The following PPARG variants were observed in gnomAD, a reference collection of about 807,000 sequenced individuals.
PPARG encodes peroxisome proliferator-activated receptor gamma.
Under a neutral mutation model 39.2 loss-of-function variants are expected in PPARG, and 17 were observed. The ratio of observed to expected loss-of-function variants is 0.43; its 90% CI spans 0.30 to 0.65. The LOEUF (loss-of-function observed/expected upper bound fraction) is 0.65, where lower values mean the gene tolerates loss of function less well. Among genes scored for constraint, PPARG ranks in the 30% least tolerant of loss-of-function variants. The pLI is 0.13. For synonymous variants in PPARG, 223 were observed against 215.7 expected (o/e 1.03, Z -0.30); for missense variants, 406 against 585.9 (o/e 0.69, Z 3.17).
Position 12,416,870 on chromosome 3 carries a change from A to T in PPARG, c.896A>T (p.Lys299Ile). Reference protein sequence around the residue: ...EAVQEITEYAKSIPGFVNLDL... With the variant: ...EAVQEITEYAISIPGFVNLDL... Reference sequence around the variant, plus strand: ...GTGCAGGAGATCACAGAGTATGCCAAAAGCATTCCTGGTTTTGTAAATCTT... The same window carrying T: ...GTGCAGGAGATCACAGAGTATGCCATAAGCATTCCTGGTTTTGTAAATCTT... The change falls in exon 7 of 8, where the codon AAA (lysine) becomes ATA (isoleucine). Residue 299 changes from lysine to isoleucine, a missense_variant. By Grantham distance (102) the Lys-to-Ile change is moderately radical. This residue lies in a region of PPARG where 275 missense variants were observed against 458.0 expected (regional missense o/e 0.60). Coordinates refer to ENST00000651735, the MANE Select transcript of PPARG (RefSeq NM_138711.6). 1 of 1,614,134 alleles carries T rather than the reference A, an allele frequency of 6.2e-7. No homozygotes were observed. Among genetic ancestry groups the T allele is most frequent in the Non-Finnish European group, 8.5e-7 (1 of 1,180,008 alleles).
intron 2 of PPARG, among the ~76,000 whole-genome samples, chr3:12,350,821 G>A (rs2048464700): frequency 6.6e-6 from 1 of 152,162 alleles, no homozygotes; most frequent in South Asian, 2.1e-4. Context: ...TAACATTGCT[G>A]CAGTTGCTAT....
chr3:12,304,456 T>C (rs1008487349), intron 1 of PPARG, among the ~76,000 whole-genome samples: 5 of 152,292 alleles, frequency 3.3e-5, no homozygotes, highest in Admixed American at 1.3e-4. Context: ...TGGGGGAAAT[T>C]CTAGAATGTT....
intron 2 of PPARG, among the ~76,000 whole-genome samples, chr3:12,313,703 T>C (rs889273926): frequency 2.0e-5 from 3 of 152,156 alleles, no homozygotes; most frequent in African/African-American, 7.2e-5. Context: ...TGGAGGATGT[T>C]GTGGTCAGCC....
At chr3:12,311,072 T>C (rs1306952778) in intron 1 of PPARG, among the ~76,000 whole-genome samples, 1 of 152,156 alleles carries the variant, frequency 6.6e-6, no homozygotes, top group Non-Finnish European at 1.5e-5. Flanking sequence ...AAGAAAATTA[T>C]TGCTTTGTTT....
chr3:12,307,138 C>CTTTT (rs71268430), intron 1 of PPARG, among the ~76,000 whole-genome samples: 10,606 of 128,504 alleles, frequency 0.083, 544 homozygotes, highest in Admixed American at 0.13. Context: ...TTAGGAAATT[C>CTTTT]TTTTTTTTTT....
intron 1 of PPARG, chr3:12,301,783 T>C (rs2046933502): frequency 6.6e-6 from 1 of 152,188 alleles, no homozygotes; most frequent in African/African-American, 2.4e-5. Flanking sequence ...AGTGCCCTGC[T>C]AGACACAAGC....
At chr3:12,385,886 C>G (rs542941011) in intron 4 of PPARG, among the ~76,000 whole-genome samples, 17 of 152,142 alleles carry the variant, frequency 1.1e-4, no homozygotes, top group Non-Finnish European at 2.4e-4. Flanking sequence ...ATTCTGAGGT[C>G]TCATTGTCCC....
intron 2 of PPARG, among the ~76,000 whole-genome samples, chr3:12,317,302 C>A (rs2047415879): frequency 6.6e-6 from 1 of 152,090 alleles, no homozygotes. Flanking sequence ...CATTTTTGTT[C>A]ATTTCTTTTC....
At chr3:12,288,512 C>T (rs1183223200), upstream of PPARG, among the ~76,000 whole-genome samples, 2 of 151,932 alleles carry the variant, frequency 1.3e-5, no homozygotes, top group South Asian at 2.1e-4. Context: ...GGAGCCGCTC[C>T]GGGGGAACTT....
chr3:12,356,088 G>A (rs529454399), intron 2 of PPARG, among the ~76,000 whole-genome samples: 24 of 152,286 alleles, frequency 1.6e-4, no homozygotes, highest in African/African-American at 4.3e-4. Flanking sequence ...CCCTTTGGAC[G>A]CTTAAAATAG....
At chr3:12,422,800 T>G (rs1216048860) in intron 7 of PPARG, among the ~76,000 whole-genome samples, 1 of 151,456 alleles carries the variant, frequency 6.6e-6, no homozygotes, top group African/African-American at 2.4e-5. Context: ...GAGGATTGCT[T>G]AAGCCCAGGA....
At chr3:12,328,693 C>T (rs1229405775) in intron 2 of PPARG, among the ~76,000 whole-genome samples, 1 of 152,228 alleles carries the variant, frequency 6.6e-6, no homozygotes, top group Non-Finnish European at 1.5e-5. Flanking sequence ...GCTCCCTCTG[C>T]ATCAGAGCCC....
At position 12,348,200 on chromosome 3, in the gene PPARG, C is replaced by G. The variant is rs190448462; in HGVS notation, c.-8-31504C>G. On this transcript the variant is annotated intron_variant, in intron 2 of 7. Transcript: ENST00000651735. ...ATATTTTATGTAAGTCATCCCAACA[C>G]CAAGTAATGCTAAAAATAACTTTAT... Among the ~76,000 whole-genome samples the G allele has an allele frequency of 3.0e-4, 45 of 152,228 alleles. 1 individual carries two copies. Among genetic ancestry groups the G allele is most frequent in the African/African-American group, 6.3e-4 (26 of 41,550 alleles).
At chr3:12,360,866 A>C (rs913843933) in intron 2 of PPARG, among the ~76,000 whole-genome samples, 1 of 152,200 alleles carries the variant, frequency 6.6e-6, no homozygotes, top group African/African-American at 2.4e-5. Flanking sequence ...CAGTATTGCA[A>C]ATAGTACTGC....
At chr3:12,380,486 A>G (rs2049603714) in intron 3 of PPARG, among the ~76,000 whole-genome samples, 1 of 152,226 alleles carries the variant, frequency 6.6e-6, no homozygotes, top group Non-Finnish European at 1.5e-5. Context: ...GACTCAAGAA[A>G]AACTAGAACT....
At chr3:12,324,164 C>T (rs1172091404) in intron 2 of PPARG, among the ~76,000 whole-genome samples, 3 of 151,834 alleles carry the variant, frequency 2.0e-5, no homozygotes, top group Non-Finnish European at 4.4e-5. Context: ...CTGTAATCCC[C>T]GTTACTTGGG....
chr3:12,329,083 C>G (rs1390209872), intron 2 of PPARG, among the ~76,000 whole-genome samples: 2 of 149,448 alleles, frequency 1.3e-5, no homozygotes, highest in African/African-American at 2.5e-5. Flanking sequence ...AATTTTGTTG[C>G]AAGCCAGTTG....
chr3:12,314,029 A>G (rs1343253533), intron 2 of PPARG, among the ~76,000 whole-genome samples: 2 of 152,082 alleles, frequency 1.3e-5, no homozygotes, highest in African/African-American at 4.8e-5. Flanking sequence ...GTAATCCCAG[A>G]ACTTTGGGAT....
In PPARG at chr3:12,405,871, T is replaced by C; in HGVS notation, c.530-11T>C. The C allele has an allele frequency of 1.9e-6, 3 of 1,611,850 alleles. No homozygotes were observed. Among genetic ancestry groups the C allele is most frequent in the Non-Finnish European group, 2.5e-6 (3 of 1,178,020 alleles). On this transcript the variant is annotated splice_polypyrimidine_tract_variant and intron_variant, in intron 5 of 7. Transcript: ENST00000651735. ...CCAATGATTCATCCTGTCATTCCTC[T>C]TCCTCTATAGCCATCAGGTTTGGGC...
Sources: allele counts gnomAD v4.1 joint callset (sites outside exome capture counted in the v4.1 genomes callset), GRCh38; gene constraint gnomAD v4.1.1; regional missense constraint gnomAD v4.1.1; transcripts MANE v1.5; gene names NCBI Gene and HGNC (gene_info 2026-07-23, HGNC 2026-07-21).